The following CEP95 variants were observed in gnomAD, a reference collection of about 807,000 sequenced individuals.
The protein encoded by CEP95 is centrosomal protein of 95 kDa.
Under a neutral mutation model 111.2 loss-of-function variants are expected in CEP95, and 98 were observed. That is an observed-to-expected ratio of 0.88 (90% CI 0.75 to 1.04). The LOEUF (loss-of-function observed/expected upper bound fraction) is 1.04, where lower values mean the gene tolerates loss of function less well. Ranked by LOEUF, CEP95 falls within the 50% of genes least tolerant of loss-of-function variation. CEP95 has a pLI of 0.00. For missense variants in CEP95, 1,027 were observed against 977.2 expected, an observed-to-expected ratio of 1.05 and a Z score of -0.68; for synonymous variants, 323 against 327.1, an observed-to-expected ratio of 0.99 and a Z score of 0.14.
At chr17:64,534,815 ACT>A (rs1968540349) in intron 17 of CEP95, 78 bp downstream of exon 17, 2 of 1,513,506 alleles carry the variant, frequency 1.3e-6, no homozygotes, top group Non-Finnish European at 1.8e-6. Flanking sequence ...TTTGTTCGTG[ACT>A]CTTGTCCAAA....
upstream of CEP95, chr17:64,506,935 C>T: frequency 1.3e-6 from 1 of 775,872 alleles, no homozygotes; most frequent in South Asian, 1.5e-5. Context: ...GACCAATCAG[C>T]GGCGAGAAGC....
intron 7 of CEP95, 133 bp downstream of exon 7, chr17:64,521,660 G>T: frequency 1.4e-6 from 1 of 721,868 alleles, no homozygotes; most frequent in Non-Finnish European, 2.1e-6. Context: ...ACTTGTAAAT[G>T]TTTGCTATTA....
intron 19 of CEP95, chr17:64,537,333 C>T (rs1968728137): frequency 1.4e-6 from 2 of 1,405,478 alleles, no homozygotes; most frequent in African/African-American, 1.5e-5. Flanking sequence ...TTAAGTGACA[C>T]ATGACTAATT....
intron 1 of CEP95, chr17:64,507,531 C>G: frequency 9.0e-7 from 1 of 1,105,346 alleles, no homozygotes; most frequent in Non-Finnish European, 1.1e-6. Context: ...TATTATGCCC[C>G]TGCAGAATAG....
intron 17 of CEP95, 33 bp from the exon 18 acceptor site, chr17:64,536,569 C>T (rs782744453): frequency 1.7e-5 from 26 of 1,551,094 alleles, no homozygotes; most frequent in Non-Finnish European, 2.3e-5. Context: ...TGATATTCCT[C>T]AATGACTATT....
intron 7 of CEP95, 34 bp from the exon 8 acceptor site, chr17:64,522,668 G>T (rs781914690): frequency 6.6e-7 from 1 of 1,504,760 alleles, no homozygotes; most frequent in South Asian, 1.2e-5. Context: ...TCTTAGAATT[G>T]CATCGTAATA....
chr17:64,517,273 C>G (rs1966935954), intron 5 of CEP95, among the ~76,000 whole-genome samples: 1 of 152,128 alleles, frequency 6.6e-6, no homozygotes, highest in Non-Finnish European at 1.5e-5. Context: ...CCTCGAACTC[C>G]TGATCTCAGG....
intron 7 of CEP95, among the ~76,000 whole-genome samples, chr17:64,521,932 C>G (rs1346143620): frequency 6.6e-6 from 1 of 152,152 alleles, no homozygotes. Context: ...TCTCGGCTCA[C>G]TGCAACCTCC....
chr17:64,524,133 G>T (rs1967598058), intron 8 of CEP95, among the ~76,000 whole-genome samples: 1 of 152,090 alleles, frequency 6.6e-6, no homozygotes, highest in African/African-American at 2.4e-5. Context: ...ACTTTTGGGG[G>T]AATCATAGTG....
At chr17:64,519,570 C>G in intron 6 of CEP95, 134 bp downstream of exon 6, 1 of 632,610 alleles carries the variant, frequency 1.6e-6, no homozygotes, top group East Asian at 2.7e-5. Flanking sequence ...CCAGAATATC[C>G]CACTACCCAT....
chr17:64,508,334 A>G (rs2038691010), intron 1 of CEP95: 1 of 1,007,440 alleles, frequency 9.9e-7, no homozygotes, highest in Non-Finnish European at 1.2e-6. Flanking sequence ...AGGCTGCAAC[A>G]GTATCAATTG....
At chr17:64,527,651 A>G (rs1195283772) in intron 11 of CEP95, among the ~76,000 whole-genome samples, 1 of 152,096 alleles carries the variant, frequency 6.6e-6, no homozygotes, top group African/African-American at 2.4e-5. Flanking sequence ...TACATACTGT[A>G]TATATTATTC....
chr17:64,529,075 A>C (rs1968073521), intron 11 of CEP95, among the ~76,000 whole-genome samples: 1 of 152,176 alleles, frequency 6.6e-6, no homozygotes, highest in African/African-American at 2.4e-5. Flanking sequence ...TCCAAAGTTG[A>C]ATGTAGAAGC....
intron 3 of CEP95, among the ~76,000 whole-genome samples, chr17:64,511,895 G>A (rs9890575): frequency 0.1 from 15,825 of 152,186 alleles, 1,419 homozygotes; most frequent in African/African-American, 0.23. Context: ...GGCTTCAGCC[G>A]GTCCCTCTGT....
chr17:64,518,865 A>T (rs1967087639), intron 5 of CEP95, among the ~76,000 whole-genome samples: 1 of 152,076 alleles, frequency 6.6e-6, no homozygotes, highest in Admixed American at 6.5e-5. Context: ...TATTTTTAGT[A>T]GAGATGGGGT....
chr17:64,506,959 GT>G, upstream of CEP95: 3 of 908,738 alleles, frequency 3.3e-6, no homozygotes, highest in South Asian at 2.8e-5. Flanking sequence ...TTTAACGTCC[GT>G]CCTTCTTTCA....
intron 12 of CEP95, 100 bp downstream of exon 12, chr17:64,529,527 CATTT>C (rs2144511357): frequency 1.6e-6 from 2 of 1,230,472 alleles, no homozygotes; most frequent in South Asian, 2.9e-5. Flanking sequence ...GCTTAAAATA[CATTT>C]AATATTCTTG....
chr17:64,533,030 G>A, intron 15 of CEP95, 22 bp downstream of exon 15: 1 of 1,607,276 alleles, frequency 6.2e-7, no homozygotes, highest in South Asian at 1.1e-5. Context: ...TCAGTCTTAA[G>A]CATAGGAATT....
At chr17:64,508,555 G>T (rs1300692739) in intron 1 of CEP95, 37 bp from the exon 2 acceptor site, 1 of 1,326,872 alleles carries the variant, frequency 7.5e-7, no homozygotes, top group Admixed American at 3.0e-5. Flanking sequence ...TTTTCTGGTG[G>T]TTTTTAAGAC....
Sources: gnomAD v4.1 joint callset for allele counts (sites outside exome capture counted in the v4.1 genomes callset) on GRCh38, gnomAD v4.1.1 for gene constraint, MANE v1.5 for transcripts, NCBI Gene and HGNC (gene_info 2026-07-23, HGNC 2026-07-21) for gene names.